The following TENM4 variants were observed in gnomAD, a reference collection of about 807,000 sequenced individuals.
TENM4 encodes the protein teneurin-4.
In TENM4, 82 loss-of-function variants were observed where a neutral mutation model predicts 243.3. The observed-to-expected ratio is 0.34, with a 90% confidence interval of 0.28 to 0.40. The LOEUF (loss-of-function observed/expected upper bound fraction) is 0.40, where lower values mean the gene tolerates loss of function less well. Ranked by LOEUF, TENM4 falls within the 10% of genes least tolerant of loss-of-function variation. The pLI is 1.00. For synonymous variants in TENM4, 1,412 were observed against 1,456.3 expected (o/e 0.97, Z 0.69); for missense variants, 3,138 against 3,673.3 (o/e 0.85, Z 3.77).
At chr11:79,350,720 A>G (rs1411245566) in intron 1 of TENM4, among the ~76,000 whole-genome samples, 1 of 151,750 alleles carries the variant, frequency 6.6e-6, no homozygotes, top group Non-Finnish European at 1.5e-5. Context: ...AATTACACGC[A>G]TAAGTCACCA....
At chr11:79,250,566 G>T (rs1855592866) in intron 2 of TENM4, among the ~76,000 whole-genome samples, 1 of 152,164 alleles carries the variant, frequency 6.6e-6, no homozygotes, top group Non-Finnish European at 1.5e-5. Context: ...TATTTCAAAA[G>T]TTCTGCTGTA....
At chr11:78,739,701 A>C (rs533104248) in intron 19 of TENM4, among the ~76,000 whole-genome samples, 97 of 152,118 alleles carry the variant, frequency 6.4e-4, no homozygotes, top group Non-Finnish European at 1.2e-3. Context: ...AAACGAATGA[A>C]AAGATCTACG....
At chr11:79,420,399 G>A (rs1858905894) in intron 1 of TENM4, among the ~76,000 whole-genome samples, 1 of 152,100 alleles carries the variant, frequency 6.6e-6, no homozygotes, top group Admixed American at 6.6e-5. Context: ...CACTAAGACA[G>A]GAACCATAAT....
intron 3 of TENM4, among the ~76,000 whole-genome samples, chr11:79,161,042 T>A (rs565932450): frequency 1.3e-5 from 2 of 152,328 alleles, no homozygotes; most frequent in South Asian, 4.1e-4. Context: ...CATCTTTGTC[T>A]CTGGGGTTAA....
chr11:79,085,388 A>AAGGG (rs35826021), intron 4 of TENM4, among the ~76,000 whole-genome samples: 2 of 132,226 alleles, frequency 1.5e-5, no homozygotes, highest in African/African-American at 2.9e-5. Flanking sequence ...AAAAAAAAAA[A>AAGGG]GGGGGGTTTT....
intron 6 of TENM4, among the ~76,000 whole-genome samples, chr11:78,926,091 A>AATCTTC (rs1856546329): frequency 6.6e-6 from 1 of 152,138 alleles, no homozygotes; most frequent in African/African-American, 2.4e-5. Context: ...GTAGTGTGGG[A>AATCTTC]ATCTTCTTCT....
chr11:78,959,133 A>G (rs1857265713), intron 6 of TENM4, among the ~76,000 whole-genome samples: 1 of 152,122 alleles, frequency 6.6e-6, no homozygotes, highest in African/African-American at 2.4e-5. Flanking sequence ...TTGCTTGCTC[A>G]TTGGTTCATT....
chr11:78,852,012 G>C (rs1286678974), intron 12 of TENM4, among the ~76,000 whole-genome samples: 1 of 152,172 alleles, frequency 6.6e-6, no homozygotes. Context: ...CAACTGCCTG[G>C]CAGTTGCTGC....
chr11:79,084,726 G>A (rs1860764211), intron 4 of TENM4, among the ~76,000 whole-genome samples: 1 of 146,622 alleles, frequency 6.8e-6, no homozygotes. Context: ...GGGTGGGAGG[G>A]AGGTGGGTGT....
intron 1 of TENM4, among the ~76,000 whole-genome samples, chr11:79,305,135 TG>T (rs1856605656): frequency 6.6e-6 from 1 of 152,242 alleles, no homozygotes; most frequent in South Asian, 2.1e-4. Context: ...AATTGGTGGC[TG>T]GGAAGAGTGA....
chr11:79,139,784 A>T (rs1161792646), intron 4 of TENM4, among the ~76,000 whole-genome samples: 3 of 53,362 alleles, frequency 5.6e-5, no homozygotes, highest in Non-Finnish European at 1.5e-4. Flanking sequence ...TATAATATAT[A>T]TTATATTTAT....
rs1246313679 is a variant in TENM4 at position 78,771,117 on chromosome 11, T to A, written c.2414A>T (p.Asn805Ile). The stretch of plus-strand genomic sequence containing the variant: ...GTCTAAGGTACATCTGCCGTTGCCA[T>A]TGCACAACCCAGGGCAACCCTCTGA... ...VVKEGCPGLC[N>I]GNGRCTLDLN... The change falls in exon 18 of 34, where the codon AAT becomes ATT. Residue 805 changes from asparagine to isoleucine, a missense_variant. Asn to Ile is a moderately radical substitution (Grantham distance 149). Transcript: ENST00000278550. The A allele has an allele frequency of 6.4e-7, 1 of 1,571,068 alleles. No individual in the cohort carries two copies.
At chr11:79,295,863 T>C (rs967643483) in intron 2 of TENM4, among the ~76,000 whole-genome samples, 1 of 150,000 alleles carries the variant, frequency 6.7e-6, no homozygotes, top group Admixed American at 6.6e-5. Context: ...TAAGTGTTTT[T>C]TTTTTTTAAT....
intron 3 of TENM4, among the ~76,000 whole-genome samples, chr11:79,173,336 T>A (rs1306693908): frequency 6.6e-6 from 1 of 152,122 alleles, no homozygotes; most frequent in Non-Finnish European, 1.5e-5. Context: ...GGTAGTGGTA[T>A]GAGTTACATG....
At chr11:79,154,001 G>C (rs917229211) in intron 3 of TENM4, among the ~76,000 whole-genome samples, 4 of 152,016 alleles carry the variant, frequency 2.6e-5, no homozygotes, top group African/African-American at 9.7e-5. Context: ...AAAAACACTG[G>C]GTGTGAAAAG....
intron 4 of TENM4, among the ~76,000 whole-genome samples, chr11:79,091,536 T>G (rs1301673724): frequency 6.6e-6 from 1 of 152,178 alleles, no homozygotes; most frequent in Non-Finnish European, 1.5e-5. Flanking sequence ...CTCAGAACCT[T>G]AAATGGTTCT....
chr11:78,822,453 C>T (rs1164229959), intron 12 of TENM4, among the ~76,000 whole-genome samples: 2 of 152,158 alleles, frequency 1.3e-5, no homozygotes, highest in African/African-American at 4.8e-5. Flanking sequence ...GATGAATCAA[C>T]CTGAATTGTC....
At chr11:78,874,938 G>C (rs1324722085) in intron 9 of TENM4, among the ~76,000 whole-genome samples, 2 of 152,200 alleles carry the variant, frequency 1.3e-5, no homozygotes, top group Non-Finnish European at 2.9e-5. Flanking sequence ...CAGCAGGAAG[G>C]GCTTTCTCCA....
chr11:79,125,406 G>T (rs1861853862), intron 4 of TENM4, among the ~76,000 whole-genome samples: 1 of 152,126 alleles, frequency 6.6e-6, no homozygotes, highest in South Asian at 2.1e-4. Context: ...CTTATCTCCT[G>T]CAGGGAAAGA....
Sources: allele counts gnomAD v4.1 joint callset (sites outside exome capture counted in the v4.1 genomes callset), GRCh38; gene constraint gnomAD v4.1.1; transcripts MANE v1.5; gene names NCBI Gene and HGNC (gene_info 2026-07-23, HGNC 2026-07-21).